Variants in SVEP1 observed in about 807,000 individuals in gnomAD.
SVEP1 encodes sushi, von Willebrand factor type A, EGF and pentraxin domain containing 1.
Under a neutral mutation model 367.3 loss-of-function variants are expected in SVEP1, and 164 were observed. The ratio of observed to expected loss-of-function variants is 0.45; its 90% CI spans 0.39 to 0.51. The LOEUF is 0.51. Ranked by LOEUF, SVEP1 falls within the 20% of genes least tolerant of loss-of-function variation. SVEP1 has a pLI of 0.00. For missense variants in SVEP1, 4,117 were observed against 4,425.3 expected, an observed-to-expected ratio of 0.93 and a Z score of 1.98; for synonymous variants, 1,666 against 1,611.6, an observed-to-expected ratio of 1.03 and a Z score of -0.81.
intron 1 of SVEP1, among the ~76,000 whole-genome samples, chr9:110,573,750 A>G (rs1428254588): frequency 1.3e-5 from 2 of 152,216 alleles, no homozygotes; most frequent in Non-Finnish European, 1.5e-5. Context: ...TTACAAACAC[A>G]TGGCAGGAAG....
chr9:110,455,294 G>T (rs972980168), intron 22 of SVEP1, among the ~76,000 whole-genome samples: 1 of 152,204 alleles, frequency 6.6e-6, no homozygotes, highest in Admixed American at 6.5e-5. Flanking sequence ...AACAGGTTCA[G>T]TGAAGTTAAA....
chr9:110,399,493 ATAAAAT>A (rs1230283750), intron 40 of SVEP1, among the ~76,000 whole-genome samples: 1 of 152,116 alleles, frequency 6.6e-6, no homozygotes, highest in Non-Finnish European at 1.5e-5. Flanking sequence ...TATAATAATA[ATAAAAT>A]TAAAAAGAAA....
chr9:110,543,561 G>T (rs994560151), intron 3 of SVEP1, among the ~76,000 whole-genome samples: 12 of 152,172 alleles, frequency 7.9e-5, no homozygotes, highest in Non-Finnish European at 1.3e-4. Context: ...CAGTGGTTTT[G>T]TGAACTGCCC....
chr9:110,387,183 C>A, intron 42 of SVEP1, 102 bp downstream of exon 42: 1 of 1,234,810 alleles, frequency 8.1e-7, no homozygotes, highest in East Asian at 2.5e-5. Flanking sequence ...TTTCTCTGGG[C>A]CCATATCCCT....
chr9:110,446,007 TTCAAAA>T lies in SVEP1; in HGVS notation c.4287_4292del (p.Asp1429_Phe1430del). 1 of 1,613,482 alleles carries T rather than the reference TTCAAAA, an allele frequency of 6.2e-7. No individual in the cohort carries two copies. The highest frequency in any genetic ancestry group is 8.5e-7 in the Non-Finnish European group (1 of 1,179,636). On this transcript the variant is annotated inframe_deletion, in exon 26 of 48. Transcript: ENST00000374469. ...TGACATATCCATAGATGCCAGAAAC[TTCAAAA>T]TCCAGGTTAAAGCCTGTAGACTGTT...
At chr9:110,481,163 G>T in intron 12 of SVEP1, 79 bp downstream of exon 12, 1 of 1,106,702 alleles carries the variant, frequency 9.0e-7, no homozygotes, top group Non-Finnish European at 1.2e-6. Context: ...CTATCGTAAG[G>T]CAATTTTCCT....
chr9:110,422,984 C>T (rs113666470), intron 36 of SVEP1, among the ~76,000 whole-genome samples: 2,417 of 121,526 alleles, frequency 0.02, 112 homozygotes, highest in African/African-American at 0.078. Flanking sequence ...GTCGGGGGAG[C>T]GGGGAGGGAT....
chr9:110,414,242 G>A (rs752738636), intron 36 of SVEP1, among the ~76,000 whole-genome samples: 9 of 152,020 alleles, frequency 5.9e-5, no homozygotes, highest in Non-Finnish European at 1.2e-4. Context: ...TAAAGCATCA[G>A]CTATTATAGA....
intron 1 of SVEP1, among the ~76,000 whole-genome samples, chr9:110,559,956 G>A (rs1830404593): frequency 6.6e-6 from 1 of 152,100 alleles, no homozygotes; most frequent in Admixed American, 6.5e-5. Context: ...TGACATTAGT[G>A]TGCATGTATG....
At chr9:110,537,446 C>T (rs1170385213) in intron 3 of SVEP1, among the ~76,000 whole-genome samples, 1 of 151,830 alleles carries the variant, frequency 6.6e-6, no homozygotes, top group Non-Finnish European at 1.5e-5. Context: ...GTGATAATAA[C>T]TCAGTCTAGT....
chr9:110,469,230 G>T, intron 16 of SVEP1, 129 bp from the exon 17 acceptor site: 1 of 856,778 alleles, frequency 1.2e-6, no homozygotes, highest in Non-Finnish European at 1.7e-6. Flanking sequence ...TAAATTTTAT[G>T]GCCAGAGGCT....
chr9:110,533,319 T>C (rs1830042741), intron 3 of SVEP1, among the ~76,000 whole-genome samples: 1 of 152,218 alleles, frequency 6.6e-6, no homozygotes, highest in Non-Finnish European at 1.5e-5. Context: ...TCACATCTTA[T>C]TTAATGTTTC....
At chr9:110,383,614 C>T (rs1451067942) in intron 43 of SVEP1, among the ~76,000 whole-genome samples, 1 of 152,186 alleles carries the variant, frequency 6.6e-6, no homozygotes, top group Non-Finnish European at 1.5e-5. Context: ...TAACAAAGCG[C>T]TCTAGCTGCC....
chr9:110,445,695 G>T (rs1828581488), intron 26 of SVEP1, 142 bp downstream of exon 26: 3 of 838,660 alleles, frequency 3.6e-6, no homozygotes, highest in Non-Finnish European at 3.7e-6. Context: ...AACTTGTTCA[G>T]ATGCTCCATT....
At chr9:110,378,337 A>G (rs1212963107) in intron 44 of SVEP1, among the ~76,000 whole-genome samples, 2 of 152,202 alleles carry the variant, frequency 1.3e-5, no homozygotes, top group Non-Finnish European at 2.9e-5. Flanking sequence ...TGTTGCTGCC[A>G]GACAATGAGT....
At chr9:110,392,961 C>T (rs1408694876) in intron 40 of SVEP1, among the ~76,000 whole-genome samples, 1 of 152,068 alleles carries the variant, frequency 6.6e-6, no homozygotes, top group Non-Finnish European at 1.5e-5. Context: ...TGTCCGAGAC[C>T]TGGAGTTGGT....
At chr9:110,466,382 C>G (rs966511947) in intron 17 of SVEP1, among the ~76,000 whole-genome samples, 17 of 152,140 alleles carry the variant, frequency 1.1e-4, no homozygotes, top group African/African-American at 4.1e-4. Context: ...GTTCTCAATA[C>G]GTACACTGTT....
At chr9:110,377,446 T>C in intron 44 of SVEP1, 80 bp from the exon 45 acceptor site, 6 of 1,285,896 alleles carry the variant, frequency 4.7e-6, no homozygotes, top group Non-Finnish European at 6.6e-6. Flanking sequence ...CCCCTTTATA[T>C]CTCATACTAT....
intron 17 of SVEP1, 45 bp downstream of exon 17, chr9:110,468,895 C>A: frequency 6.7e-7 from 1 of 1,496,158 alleles, no homozygotes. Flanking sequence ...AAAAGGGAAA[C>A]AAAAATTGGG....
Sources: gnomAD v4.1 joint callset for allele counts (sites outside exome capture counted in the v4.1 genomes callset) on GRCh38, gnomAD v4.1.1 for gene constraint, MANE v1.5 for transcripts, NCBI Gene and HGNC (gene_info 2026-07-23, HGNC 2026-07-21) for gene names.